Variants in SNTG2 observed in about 807,000 individuals in gnomAD.
SNTG2 encodes gamma-2-syntrophin.
A neutral mutation model predicts 70.9 loss-of-function variants in SNTG2; 74 were observed. That is an observed-to-expected ratio of 1.04 (90% confidence interval 0.86 to 1.27). The LOEUF is 1.27. Among genes scored for constraint, SNTG2 ranks in the 50% most tolerant of loss-of-function variants. The pLI is 0.00. For synonymous variants in SNTG2, 278 were observed against 273.8 expected, an observed-to-expected ratio of 1.02 and a Z score of -0.15; for missense variants, 717 against 690.7, an observed-to-expected ratio of 1.04 and a Z score of -0.43.
intron 9 of SNTG2, among the ~76,000 whole-genome samples, chr2:1,211,687 C>T (rs549732268): frequency 3.3e-5 from 5 of 152,248 alleles, no homozygotes; most frequent in South Asian, 2.1e-4. Context: ...CATCAGATCT[C>T]GTGATTCTTA....
intron 1 of SNTG2, among the ~76,000 whole-genome samples, chr2:1,081,236 G>T (rs1572384521): frequency 6.6e-6 from 1 of 152,306 alleles, no homozygotes; most frequent in East Asian, 1.9e-4. Flanking sequence ...GCAGCGGAGT[G>T]GGGGATGCCC....
chr2:1,087,867 A>G (rs1664781433), intron 2 of SNTG2, among the ~76,000 whole-genome samples: 1 of 152,244 alleles, frequency 6.6e-6, no homozygotes, highest in Non-Finnish European at 1.5e-5. Flanking sequence ...AGTCTCTCAG[A>G]TTGTTGAATG....
chr2:1,177,127 C>A (rs1459508503), intron 8 of SNTG2, among the ~76,000 whole-genome samples: 1 of 152,168 alleles, frequency 6.6e-6, no homozygotes, highest in Non-Finnish European at 1.5e-5. Flanking sequence ...GGTAGAGATA[C>A]ACCATGGAAT....
chr2:1,100,628 C>T (rs1260508900), intron 4 of SNTG2, among the ~76,000 whole-genome samples: 2 of 152,140 alleles, frequency 1.3e-5, no homozygotes, highest in African/African-American at 2.4e-5. Context: ...GTTGCTGTGT[C>T]GGGCGTGGTT....
intron 1 of SNTG2, among the ~76,000 whole-genome samples, chr2:1,032,521 A>C (rs1053856633): frequency 1.2e-4 from 18 of 152,200 alleles, no homozygotes; most frequent in African/African-American, 4.3e-4. Context: ...ATTGTTCCCT[A>C]ACTTATTTGA....
intron 16 of SNTG2, among the ~76,000 whole-genome samples, chr2:1,337,073 T>A (rs1659854142): frequency 2.0e-5 from 3 of 152,192 alleles, no homozygotes; most frequent in Non-Finnish European, 2.9e-5. Context: ...TTAGGTTGAA[T>A]AATATTCCAT....
intron 9 of SNTG2, among the ~76,000 whole-genome samples, chr2:1,223,389 G>C (rs1031776739): frequency 6.6e-6 from 1 of 151,080 alleles, no homozygotes; most frequent in Non-Finnish European, 1.5e-5. Context: ...CGCTGTAGAG[G>C]AAAGCAGCGC....
chr2:1,158,808 C>T (rs2147835217), intron 6 of SNTG2, among the ~76,000 whole-genome samples: 1 of 152,262 alleles, frequency 6.6e-6, no homozygotes, highest in South Asian at 2.1e-4. Flanking sequence ...GGTAAGTCTC[C>T]ATAGGGCTGC....
At chr2:1,061,738 C>T (rs971078740) in intron 1 of SNTG2, among the ~76,000 whole-genome samples, 3 of 152,112 alleles carry the variant, frequency 2.0e-5, no homozygotes, top group Admixed American at 1.3e-4. Flanking sequence ...AGCATCCATG[C>T]GCTGTTGCTG....
intron 12 of SNTG2, among the ~76,000 whole-genome samples, chr2:1,251,434 CA>C (rs1677750358): frequency 7.9e-6 from 1 of 125,886 alleles, no homozygotes; most frequent in Admixed American, 7.8e-5. Context: ...ACACACCACA[CA>C]CCACACACAC....
At chr2:1,124,839 C>T (rs934677982) in intron 4 of SNTG2, among the ~76,000 whole-genome samples, 3 of 152,074 alleles carry the variant, frequency 2.0e-5, no homozygotes, top group African/African-American at 7.2e-5. Flanking sequence ...CAAAGCCGTG[C>T]ACAAGTAGGC....
intron 14 of SNTG2, among the ~76,000 whole-genome samples, chr2:1,272,341 C>T (rs984896300): frequency 1.0e-4 from 15 of 150,604 alleles, no homozygotes; most frequent in African/African-American, 2.9e-4. Context: ...ATAGGGTTCC[C>T]GCTCCTGTGA....
intron 8 of SNTG2, among the ~76,000 whole-genome samples, chr2:1,181,639 G>GTAAT: frequency 2.0e-5 from 3 of 152,288 alleles, no homozygotes; most frequent in East Asian, 3.9e-4. Flanking sequence ...GACAGCTGGA[G>GTAAT]TAATTACCTG....
intron 9 of SNTG2, among the ~76,000 whole-genome samples, chr2:1,224,542 G>A (rs1250710330): frequency 6.6e-6 from 1 of 152,146 alleles, no homozygotes; most frequent in Non-Finnish European, 1.5e-5. Flanking sequence ...CTGCCTCCCA[G>A]GCCCCTCACC....
rs541598194 is a variant in SNTG2, at chr2:1,355,901, G to A, written c.1489-11442G>A. 8.5e-5 allele frequency among the ~76,000 whole-genome samples: 13 copies of A among 152,334 alleles called. No homozygotes were observed. In the South Asian group the frequency reaches 2.5e-3, roughly 29 times the overall value. On this transcript the variant is annotated intron_variant, in intron 16 of 16. Transcript: ENST00000308624. ...CAGTTATCCTGATGGATGTGAGGTA[G>A]TGTCTCAGTGTGGTTTTGATTTGCA...
At chr2:1,308,735 T>A (rs1247506416) in intron 15 of SNTG2, 149 bp downstream of exon 15, 1 of 667,426 alleles carries the variant, frequency 1.5e-6, no homozygotes, top group Admixed American at 2.8e-5. Flanking sequence ...AGACTTTTTT[T>A]TCTGATAGCT....
At chr2:1,284,895 A>G (rs1041349899) in intron 14 of SNTG2, among the ~76,000 whole-genome samples, 15 of 110,838 alleles carry the variant, frequency 1.4e-4, no homozygotes, top group Middle Eastern at 6.2e-3. Flanking sequence ...GGTTCTCTAC[A>G]GGGACACAAT....
At chr2:1,320,020 C>T (rs1681446833) in intron 16 of SNTG2, among the ~76,000 whole-genome samples, 2 of 152,110 alleles carry the variant, frequency 1.3e-5, no homozygotes, top group Admixed American at 1.3e-4. Flanking sequence ...CCAGAGAAAA[C>T]AATATTCCTA....
chr2:1,062,493 A>G (rs1270958897), intron 1 of SNTG2, among the ~76,000 whole-genome samples: 1 of 152,224 alleles, frequency 6.6e-6, no homozygotes, highest in Non-Finnish European at 1.5e-5. Context: ...CTATGCATGG[A>G]TCAATGATCA....
Sources: allele counts gnomAD v4.1 joint callset (sites outside exome capture counted in the v4.1 genomes callset), GRCh38; gene constraint gnomAD v4.1.1; transcripts MANE v1.5; gene names NCBI Gene and HGNC (gene_info 2026-07-23, HGNC 2026-07-21).